The following GADL1 variants were observed in gnomAD, a reference collection of about 807,000 sequenced individuals.
GADL1 encodes GAD like acidic amino acid decarboxylase 1.
Under a neutral mutation model 69.5 loss-of-function variants are expected in GADL1, and 71 were observed. That is an observed-to-expected ratio of 1.02 (90% confidence interval 0.84 to 1.25). GADL1 has a LOEUF of 1.25. GADL1 is among the 50% of genes most tolerant of loss of function. The pLI is 0.00. For synonymous variants in GADL1, 254 were observed against 214.4 expected (o/e 1.18, Z -1.62); for missense variants, 737 against 631.8 (o/e 1.17, Z -1.79).
intron 14 of GADL1, among the ~76,000 whole-genome samples, chr3:30,742,193 C>A (rs938957368): frequency 6.6e-6 from 1 of 152,006 alleles, no homozygotes. Context: ...TCCTGACACA[C>A]AAAATCCATG....
At chr3:30,874,877 C>A (rs1376541777) in intron 1 of GADL1, among the ~76,000 whole-genome samples, 1 of 151,808 alleles carries the variant, frequency 6.6e-6, no homozygotes, top group Non-Finnish European at 1.5e-5. Flanking sequence ...AAAAAAGGAA[C>A]CCAAAATTTA....
rs142778158 is a variant in GADL1, at chr3:30,726,589, T to C, written c.*1653A>G. 17 of 151,368 alleles carry C rather than the reference T, an allele frequency of 1.1e-4. No individual in the cohort carries two copies. In the East Asian group the frequency reaches 3.3e-3, roughly 29 times the overall value. The allele number at this position is 151,368 out of a possible 1,614,324, so 9.4% of individuals were successfully genotyped here. On this transcript the variant is annotated 3_prime_UTR_variant, in exon 15 of 15. Coordinates refer to ENST00000282538, the MANE Select transcript of GADL1 (RefSeq NM_207359.3). Reference sequence around the variant, plus strand: ...GACCAATAGAGATACCGAGAAACTGTGCACACTAAAATGAAAATAAGCAAT... The same window carrying C: ...GACCAATAGAGATACCGAGAAACTGCGCACACTAAAATGAAAATAAGCAAT...
intron 14 of GADL1, among the ~76,000 whole-genome samples, chr3:30,740,562 C>A (rs1206807782): frequency 6.6e-6 from 1 of 152,054 alleles, no homozygotes; most frequent in Non-Finnish European, 1.5e-5. Flanking sequence ...CTACGTACGT[C>A]CTAAAGCAGT....
intron 14 of GADL1, among the ~76,000 whole-genome samples, chr3:30,773,810 AAAGAT>A (rs925675461): frequency 3.4e-4 from 52 of 152,314 alleles, no homozygotes; most frequent in Middle Eastern, 3.4e-3. Flanking sequence ...GGAATTGCTG[AAAGAT>A]AAGATATTTG....
intron 14 of GADL1, among the ~76,000 whole-genome samples, chr3:30,771,152 T>G (rs1471270958): frequency 6.6e-6 from 1 of 152,210 alleles, no homozygotes; most frequent in Non-Finnish European, 1.5e-5. Flanking sequence ...GAAAAGAGAT[T>G]GAGCATAAAA....
intron 11 of GADL1, among the ~76,000 whole-genome samples, chr3:30,804,470 T>C (rs898989128): frequency 1.3e-5 from 2 of 152,208 alleles, no homozygotes; most frequent in East Asian, 3.9e-4. Context: ...TTTCTGTAAA[T>C]GCATCACCCT....
intron 1 of GADL1, among the ~76,000 whole-genome samples, chr3:30,892,762 C>A (rs998807841): frequency 4.6e-5 from 7 of 152,146 alleles, no homozygotes; most frequent in African/African-American, 1.4e-4. Context: ...ACTATTTTAA[C>A]CATCCTTCCT....
chr3:30,728,970 T>C (rs1261161611), intron 14 of GADL1, among the ~76,000 whole-genome samples: 1 of 152,190 alleles, frequency 6.6e-6, no homozygotes, highest in East Asian at 1.9e-4. Context: ...AGTTTATTAA[T>C]TTATTAATAG....
chr3:30,877,659 A>G (rs902626835), intron 1 of GADL1, among the ~76,000 whole-genome samples: 9 of 152,010 alleles, frequency 5.9e-5, no homozygotes, highest in South Asian at 2.1e-4. Context: ...AAGTCAACAC[A>G]AAGTATTAAA....
chr3:30,851,593 C>T (rs1478073423), intron 4 of GADL1, among the ~76,000 whole-genome samples: 2 of 152,140 alleles, frequency 1.3e-5, no homozygotes, highest in Non-Finnish European at 2.9e-5. Flanking sequence ...ATTGCCTTGG[C>T]TGCAGGGAGC....
chr3:30,797,515 C>T (rs1190169133), intron 12 of GADL1, among the ~76,000 whole-genome samples: 1 of 152,104 alleles, frequency 6.6e-6, no homozygotes, highest in African/African-American at 2.4e-5. Context: ...GTTTGAGATA[C>T]GTGTTATTAT....
chr3:30,780,041 C>A (rs555019217), intron 13 of GADL1, among the ~76,000 whole-genome samples: 5 of 152,158 alleles, frequency 3.3e-5, no homozygotes, highest in Non-Finnish European at 7.4e-5. Flanking sequence ...CCAGTACACC[C>A]CTTTCAGGTG....
intron 14 of GADL1, among the ~76,000 whole-genome samples, chr3:30,746,505 A>G (rs1695704950): frequency 6.6e-6 from 1 of 152,220 alleles, no homozygotes; most frequent in Non-Finnish European, 1.5e-5. Context: ...CAATATTTTC[A>G]CAGGGGCATA....
chr3:30,765,998 TGCCAGGAAATAA>T (rs1234098982), intron 14 of GADL1, among the ~76,000 whole-genome samples: 1 of 152,172 alleles, frequency 6.6e-6, no homozygotes, highest in Non-Finnish European at 1.5e-5. Flanking sequence ...CATGCTCAGG[TGCCAGGAAATAA>T]GTCTTGGGAA....
chr3:30,874,020 T>G (rs1575244134), intron 1 of GADL1, among the ~76,000 whole-genome samples: 1 of 151,920 alleles, frequency 6.6e-6, no homozygotes, highest in Non-Finnish European at 1.5e-5. Flanking sequence ...ACATTTAAAT[T>G]AAAACAGATG....
intron 14 of GADL1, among the ~76,000 whole-genome samples, chr3:30,769,224 G>GA (rs1311829088): frequency 6.6e-6 from 1 of 152,168 alleles, no homozygotes; most frequent in Non-Finnish European, 1.5e-5. Flanking sequence ...TAGAGATGAG[G>GA]ATCTTATTCA....
chr3:30,859,548 T>C (rs758519076), intron 2 of GADL1, among the ~76,000 whole-genome samples: 1 of 151,942 alleles, frequency 6.6e-6, no homozygotes, highest in African/African-American at 2.4e-5. Context: ...AGAATAGTTA[T>C]ATAACTATTC....
At chr3:30,773,291 C>T (rs1009355669) in intron 14 of GADL1, among the ~76,000 whole-genome samples, 2 of 151,802 alleles carry the variant, frequency 1.3e-5, no homozygotes, top group African/African-American at 2.4e-5. Context: ...TTATTTTTTT[C>T]TGGCCCTTGG....
In GADL1 at chr3:30,834,242, G is replaced by A. The variant is rs577665623; in HGVS notation, c.943C>T (p.Arg315Cys). 2.7e-5 allele frequency: 44 copies of A among 1,612,782 alleles called. No individual in the cohort carries two copies. Among genetic ancestry groups the A allele is most frequent in the Non-Finnish European group, 3.5e-5 (41 of 1,179,168 alleles). Reference protein sequence around the residue: ...GGSALMSRKHRKLLHGIHRAD... With the variant: ...GGSALMSRKHCKLLHGIHRAD... The stretch of plus-strand genomic sequence containing the variant: ...CTGTGGATGCCATGCAGAAGCTTGC[G>A]GTGCTTCCTCGACATCAAAGCTGAG... The change falls in exon 10 of 15, where the codon CGC becomes TGC. Residue 315 changes from arginine (R) to cysteine (C), a missense_variant. By Grantham distance (180) the Arg-to-Cys change is radical. Transcript: ENST00000282538.
Sources: allele counts gnomAD v4.1 joint callset (sites outside exome capture counted in the v4.1 genomes callset), GRCh38; gene constraint gnomAD v4.1.1; transcripts MANE v1.5; gene names NCBI Gene and HGNC (gene_info 2026-07-23, HGNC 2026-07-21).